The following THOC6 variants were observed in gnomAD, a reference collection of about 807,000 sequenced individuals.
THOC6 encodes the protein THO complex subunit 6.
Under a neutral mutation model 55.8 loss-of-function variants are expected in THOC6, and 39 were observed. The observed-to-expected ratio is 0.70, with a 90% CI of 0.54 to 0.91. THOC6 has a LOEUF of 0.91. Among genes scored for constraint, THOC6 ranks in the 40% least tolerant of loss-of-function variants. THOC6 has a pLI of 0.00. For missense variants in THOC6, 482 were observed against 442.0 expected (o/e 1.09, Z -0.81); for synonymous variants, 192 against 175.6 (o/e 1.09, Z -0.74).
chr16:3,026,484 T>G, intron 6 of THOC6, 32 bp from the exon 7 acceptor site: 1 of 1,614,120 alleles, frequency 6.2e-7, no homozygotes, highest in East Asian at 2.2e-5. Flanking sequence ...TGATTTGACA[T>G]TGACTTTCTG....
In THOC6 at chr16:3,027,264, CCTT is replaced by C. The variant is rs749062266; in HGVS notation, c.797_799del (p.Phe266del). The C allele has an allele frequency of 3.7e-6, 6 of 1,614,114 alleles. No individual in the cohort carries two copies. In the South Asian group the frequency reaches 5.5e-5, roughly 15 times the overall value. On this transcript the variant is annotated inframe_deletion, in exon 11 of 13. Transcript: ENST00000326266. ...ATCCGGGCGCCACAGAAGCACGTCA[CCTT>C]CTACCAGGACCTGGTGAGGCCCTGT...
chr16:3,025,988 G>A lies in THOC6; in HGVS notation c.220G>A (p.Ala74Thr). Residue 74 changes from alanine to threonine, a missense_variant and splice_region_variant, in exon 3 of 13, where the codon GCC becomes ACC. Coordinates refer to ENST00000326266, the MANE Select transcript of THOC6 (RefSeq NM_024339.5). The stretch of plus-strand genomic sequence containing the variant: ...TAAGAAGCCGGTGGTGACTTTCCAA[G>A]GTGGGTATACCTGTGGAGTCTGGCT... ...ESKKPVVTFQ[A>T]HDGPVYSMVS... The A allele has an allele frequency of 6.2e-7, 1 of 1,614,196 alleles. No individual in the cohort carries two copies. Among genetic ancestry groups the A allele is most frequent in the Non-Finnish European group, 8.5e-7 (1 of 1,180,036 alleles).
At position 3,026,691 on chromosome 16, in the gene THOC6, G is replaced by A. The variant is rs934443026; in HGVS notation, c.496G>A (p.Gly166Ser). The change falls in exon 8 of 13, where the codon GGC becomes AGC. Residue 166 changes from glycine (G) to serine (S), a missense_variant. Gly to Ser is a moderately conservative substitution (Grantham distance 56, BLOSUM62 0). Coordinates refer to ENST00000326266, the MANE Select transcript of THOC6 (RefSeq NM_024339.5). ...CCTCTACATGCAGAGGGTCCTCCGG[G>A]GCCACACAGACTACATCCACTGCCT... ...ETGTFTRVLR[G>S]HTDYIHCLAL... is the part of the protein sequence containing the mutation. 2.6e-5 allele frequency: 42 copies of A among 1,612,948 alleles called. No individual in the cohort carries two copies. The Admixed American group carries it at 7.0e-4, about 27-fold the overall frequency.
In THOC6 at chr16:3,027,562, C is replaced by A. The variant is rs370741248; in HGVS notation, c.946-15C>A. ...AGGGGTGTGGGCAGGCCAGTCATGC[C>A]CCTCTTTCCTCCAGGTCCTGACAGC... is the stretch of plus-strand genomic sequence containing the variant. On this transcript the variant is annotated splice_polypyrimidine_tract_variant and intron_variant, in intron 12 of 12. Coordinates refer to ENST00000326266, the MANE Select transcript of THOC6 (RefSeq NM_024339.5). The A allele has an allele frequency of 3.7e-6, 6 of 1,613,470 alleles. No homozygotes were observed. Among genetic ancestry groups the A allele is most frequent in the Non-Finnish European group, 5.1e-6 (6 of 1,179,856 alleles).
rs1181693656 is a variant in THOC6 at position 3,026,543 on chromosome 16, G to T, written c.439G>T (p.Asp147Tyr). ...KENSLILAGGDCQLHTMDLET... is the reference protein window; with the variant it reads ...KENSLILAGGYCQLHTMDLET... ...GAATTCCCTCATCCTGGCTGGGGGA[G>T]ACTGTCAGTTGCACACTATGGACCT... The change falls in exon 7 of 13, where the codon GAC (aspartate) becomes TAC (tyrosine). Residue 147 changes from aspartate to tyrosine, a missense_variant. Physicochemically the swap from Asp to Tyr is radical, Grantham distance 160. Coordinates refer to ENST00000326266, the MANE Select transcript of THOC6 (RefSeq NM_024339.5). The T allele has an allele frequency of 1.2e-6, 2 of 1,614,138 alleles. No individual in the cohort carries two copies. The highest frequency in any genetic ancestry group is 1.7e-5 in the Admixed American group (1 of 60,012).
At chr16:3,026,343 G>A (rs777623513) in intron 5 of THOC6, 22 bp from the exon 6 acceptor site, 6 of 1,613,934 alleles carry the variant, frequency 3.7e-6, no homozygotes, top group Middle Eastern at 1.6e-4. Flanking sequence ...CTTCCTCACT[G>A]ACCTTGCCTT....
At position 3,025,746 on chromosome 16, in the gene THOC6, C is replaced by G; in HGVS notation, c.78C>G (p.Thr26=). 1 of 1,614,184 alleles carries G rather than the reference C, an allele frequency of 6.2e-7. No homozygotes were observed. Among genetic ancestry groups the G allele is most frequent in the South Asian group, 1.1e-5 (1 of 91,084 alleles). ...VFQALQRLHM[T]IFSQSVSPCG... ...AGGCCTTGCAGCGGCTCCATATGAC[C>G]ATCTTCTCCCAGAGCGTCTCACCAT... is the stretch of plus-strand genomic sequence containing the variant. The change falls in exon 2 of 13, where the codon ACC becomes ACG. Residue 26 remains threonine, a synonymous_variant. Transcript: ENST00000326266.
At chr16:3,025,239 GC>G (rs1348430764) in intron 1 of THOC6, among the ~76,000 whole-genome samples, 1 of 152,130 alleles carries the variant, frequency 6.6e-6, no homozygotes, top group African/African-American at 2.4e-5. Context: ...ACTGCGCCCG[GC>G]CCCACATTTT....
At chr16:3,026,456 T>C in intron 6 of THOC6, 43 bp downstream of exon 6, 1 of 1,614,130 alleles carries the variant, frequency 6.2e-7, no homozygotes, top group South Asian at 1.1e-5. Flanking sequence ...ACTTTGATCC[T>C]TCACCCTCTG....
At position 3,026,895 on chromosome 16, in the gene THOC6, G is replaced by A. The variant is rs983646854; in HGVS notation, c.615G>A (p.Thr205=). The part of the protein sequence containing the change: ...WDLRTAKEVQ[T]IEVYKHEECS... ...TGCGCACAGCCAAGGAGGTCCAGACGATCGAGGTCTATAAGCACGAGGTGA... is the reference window on the plus strand; with the variant it reads ...TGCGCACAGCCAAGGAGGTCCAGACAATCGAGGTCTATAAGCACGAGGTGA... Residue 205 remains threonine, a synonymous_variant, in exon 9 of 13, where the codon ACG becomes ACA. Transcript: ENST00000326266. 8.1e-6 allele frequency: 13 copies of A among 1,614,050 alleles called. No individual in the cohort carries two copies. The highest frequency in any genetic ancestry group is 6.7e-5 in the Admixed American group (4 of 60,002).
At position 3,024,240 on chromosome 16, in the gene THOC6, G is replaced by A. The variant is rs889894871; in HGVS notation, c.-87G>A. 3.2e-6 allele frequency: 5 copies of A among 1,557,382 alleles called. No individual in the cohort carries two copies. In the African/African-American group the frequency reaches 5.4e-5, roughly 17 times the overall value. Reference sequence around the variant, plus strand: ...CCACCTTCGCGCCGAAGGCGGTAGGGCGCCACGGAGAGGAACCGCTCTAGG... The same window carrying A: ...CCACCTTCGCGCCGAAGGCGGTAGGACGCCACGGAGAGGAACCGCTCTAGG... On this transcript the variant is annotated 5_prime_UTR_variant, in exon 1 of 13. Coordinates refer to ENST00000326266, the MANE Select transcript of THOC6 (RefSeq NM_024339.5).
At chr16:3,025,550 G>A (rs1238744147) in intron 1 of THOC6, among the ~76,000 whole-genome samples, 158 bp from the exon 2 acceptor site, 1 of 152,260 alleles carries the variant, frequency 6.6e-6, no homozygotes, top group Non-Finnish European at 1.5e-5. Flanking sequence ...CCATGGGACT[G>A]CATGGGCAGG....
At position 3,026,654 on chromosome 16, in the gene THOC6, C is replaced by T. The variant is rs781413903; in HGVS notation, c.484-25C>T. The stretch of plus-strand genomic sequence containing the variant: ...GAGAGGCACTCTTCCTAGGTCTCCT[C>T]CTGACATCGCCCCTCTACATGCAGA... On this transcript the variant is annotated intron_variant, in intron 7 of 12. Coordinates refer to ENST00000326266, the MANE Select transcript of THOC6 (RefSeq NM_024339.5). 6.8e-6 allele frequency: 11 copies of T among 1,610,420 alleles called. No homozygotes were observed. The African/African-American group carries it at 1.5e-4, about 22-fold the overall frequency.
rs2072716967 is a variant in THOC6, at chr16:3,024,190, T to C, written c.-137T>C. On this transcript the variant is annotated 5_prime_UTR_variant, in exon 1 of 13. Coordinates refer to ENST00000326266, the MANE Select transcript of THOC6 (RefSeq NM_024339.5). ...TCTTCGCGGCGCTCACCTCGGCTCC[T>C]AGGGTTCGGGACGGTACGCACCAGC... The C allele has an allele frequency of 1.8e-6, 2 of 1,087,560 alleles. No individual in the cohort carries two copies. The highest frequency in any genetic ancestry group is 4.2e-5 in the Admixed American group (2 of 47,322). 67.4% of individuals were successfully genotyped at this position (1,087,560 alleles called of 1,614,324 possible).
At chr16:3,025,560 G>C in intron 1 of THOC6, 148 bp from the exon 2 acceptor site, 1 of 669,500 alleles carries the variant, frequency 1.5e-6, no homozygotes, top group Non-Finnish European at 2.6e-6. Context: ...GCATGGGCAG[G>C]TGCTGGCTTG....
At chr16:3,025,391 T>C (rs1483253394) in intron 1 of THOC6, among the ~76,000 whole-genome samples, 1 of 152,212 alleles carries the variant, frequency 6.6e-6, no homozygotes, top group Admixed American at 6.5e-5. Context: ...AGCTCTTGTC[T>C]ATACACTAGC....
In THOC6 at chr16:3,024,258, G is replaced by C; in HGVS notation, c.-69G>C. 6.2e-7 allele frequency: 1 copy of C among 1,600,066 alleles called. No homozygotes were observed. The highest frequency in any genetic ancestry group is 8.6e-7 in the Non-Finnish European group (1 of 1,168,132). On this transcript the variant is annotated 5_prime_UTR_variant, in exon 1 of 13. Transcript: ENST00000326266. ...CGGTAGGGCGCCACGGAGAGGAACC[G>C]CTCTAGGCACGTAAGGCCTCGTGAG... is the stretch of plus-strand genomic sequence containing the variant.
chr16:3,026,998 C>T lies in THOC6; in HGVS notation c.637-13C>T, dbSNP rs1161103981. ...GGTCTTCACCTCTTTCCCTCCTCCCCTCCCCATCCCAGGAGTGCTCGAGGC... is the reference window on the plus strand; with the variant it reads ...GGTCTTCACCTCTTTCCCTCCTCCCTTCCCCATCCCAGGAGTGCTCGAGGC... On this transcript the variant is annotated splice_polypyrimidine_tract_variant and intron_variant, in intron 9 of 12. Transcript: ENST00000326266. 1.2e-6 allele frequency: 2 copies of T among 1,614,220 alleles called. No individual in the cohort carries two copies. Among genetic ancestry groups the T allele is most frequent in the Non-Finnish European group, 1.7e-6 (2 of 1,180,030 alleles).
chr16:3,025,423 T>A (rs536793760), intron 1 of THOC6, among the ~76,000 whole-genome samples: 2 of 152,362 alleles, frequency 1.3e-5, no homozygotes, highest in African/African-American at 4.8e-5. Context: ...TGATGGAATC[T>A]TCTGTGAGCT....
Sources: gnomAD v4.1 joint callset for allele counts (sites outside exome capture counted in the v4.1 genomes callset) on GRCh38, gnomAD v4.1.1 for gene constraint, MANE v1.5 for transcripts, NCBI Gene and HGNC (gene_info 2026-07-23, HGNC 2026-07-21) for gene names.